PPME1: variants seen among roughly 807,000 people sequenced by gnomAD.
The protein encoded by PPME1 is protein phosphatase methylesterase 1.
A neutral mutation model predicts 56.9 loss-of-function variants in PPME1; 17 were observed. The ratio of observed to expected loss-of-function variants is 0.30; its 90% confidence interval spans 0.20 to 0.45. The LOEUF is 0.45. Ranked by LOEUF, PPME1 falls within the 20% of genes least tolerant of loss-of-function variation. The pLI, the probability that PPME1 is intolerant of heterozygous loss-of-function variation, is 1.00. For missense variants in PPME1, 357 were observed against 483.2 expected (o/e 0.74, Z 2.45); for synonymous variants, 122 against 156.2 (o/e 0.78, Z 1.63).
At chr11:74,244,293 G>A (rs986881189) in intron 9 of PPME1, among the ~76,000 whole-genome samples, 3 of 152,144 alleles carry the variant, frequency 2.0e-5, no homozygotes, top group African/African-American at 7.2e-5. Flanking sequence ...CCCAGAAGTG[G>A]GATTCCTGGA....
intron 11 of PPME1, 155 bp from the exon 12 acceptor site, chr11:74,250,799 T>C: frequency 1.6e-6 from 1 of 628,572 alleles, no homozygotes; most frequent in Non-Finnish European, 2.8e-6. Flanking sequence ...TTACTTGTAT[T>C]ACCATCCTCA....
intron 13 of PPME1, among the ~76,000 whole-genome samples, chr11:74,252,765 A>G (rs1037269998): frequency 6.6e-5 from 10 of 152,076 alleles, no homozygotes; most frequent in Non-Finnish European, 1.0e-4. Flanking sequence ...TTCCCCCTCT[A>G]TTGGTCTAGA....
chr11:74,176,766 A>ACCGAGG (rs1263851625), intron 1 of PPME1, among the ~76,000 whole-genome samples: 8 of 121,980 alleles, frequency 6.6e-5, no homozygotes, highest in Non-Finnish European at 1.3e-4. Context: ...TTGCTCTGTC[A>ACCGAGG]CCGAGGCCGG....
intron 3 of PPME1, among the ~76,000 whole-genome samples, chr11:74,217,561 A>G (rs1858685111): frequency 6.6e-6 from 1 of 151,490 alleles, no homozygotes; most frequent in Admixed American, 6.6e-5. Flanking sequence ...AAAAAAAAAA[A>G]AAGGAAAAAG....
At chr11:74,252,123 T>C (rs1230151907) in intron 13 of PPME1, among the ~76,000 whole-genome samples, 3 of 144,384 alleles carry the variant, frequency 2.1e-5, no homozygotes, top group Non-Finnish European at 3.0e-5. Context: ...TTTTTTTTTT[T>C]CTTGGCACAG....
intron 1 of PPME1, 42 bp downstream of exon 1, chr11:74,171,564 G>T: frequency 6.4e-7 from 1 of 1,558,640 alleles, no homozygotes; most frequent in Non-Finnish European, 8.7e-7. Context: ...CCAGGCCCCA[G>T]CCGTTGGAGA....
At chr11:74,211,878 C>CTA (rs2135634887) in intron 3 of PPME1, among the ~76,000 whole-genome samples, 1 of 152,220 alleles carries the variant, frequency 6.6e-6, no homozygotes, top group Non-Finnish European at 1.5e-5. Context: ...GACTACCTTA[C>CTA]TATTAATTAG....
intron 7 of PPME1, among the ~76,000 whole-genome samples, chr11:74,231,727 G>A (rs1180528416): frequency 6.6e-6 from 1 of 152,142 alleles, no homozygotes; most frequent in African/African-American, 2.4e-5. Flanking sequence ...ATGCTTCATG[G>A]TTTTAGATTT....
chr11:74,215,483 T>C (rs1008205014), intron 3 of PPME1, among the ~76,000 whole-genome samples: 6 of 152,186 alleles, frequency 3.9e-5, no homozygotes, highest in Admixed American at 2.6e-4. Context: ...TAATGGGTTA[T>C]GATACTATTT....
In PPME1 at chr11:74,171,344, T is replaced by C; in HGVS notation, c.-78T>C. On this transcript the variant is annotated 5_prime_UTR_variant, in exon 1 of 14. Transcript: ENST00000328257. ...GACAGGGCGTCGTTAGGGGAGCGAGTCGTGACCGGTTGGGCCACACTCAAC... is the reference window on the plus strand; with the variant it reads ...GACAGGGCGTCGTTAGGGGAGCGAGCCGTGACCGGTTGGGCCACACTCAAC... 6.5e-7 allele frequency: 1 copy of C among 1,527,890 alleles called. No homozygotes were observed. Among genetic ancestry groups the C allele is most frequent in the African/African-American group, 1.4e-5 (1 of 73,104 alleles). 94.6% of individuals were successfully genotyped at this position (1,527,890 alleles called of 1,614,324 possible). A position where few individuals can be genotyped will look rare whatever the true frequency, so the allele number is the denominator to read the frequency against.
At chr11:74,213,208 A>G (rs926648412) in intron 3 of PPME1, among the ~76,000 whole-genome samples, 6 of 152,226 alleles carry the variant, frequency 3.9e-5, no homozygotes, top group Admixed American at 3.3e-4. Context: ...AGTACTTGCC[A>G]TGGGCCTGGG....
intron 12 of PPME1, chr11:74,251,358 T>C: frequency 7.4e-7 from 1 of 1,354,596 alleles, no homozygotes; most frequent in South Asian, 2.0e-5. Flanking sequence ...CAGTTAGGAA[T>C]TAATATGGGC....
intron 1 of PPME1, among the ~76,000 whole-genome samples, chr11:74,177,869 T>C (rs1023704726): frequency 1.3e-5 from 2 of 152,244 alleles, no homozygotes; most frequent in Non-Finnish European, 2.9e-5. Flanking sequence ...ACCTAAGTTA[T>C]ATTCAATCTA....
intron 3 of PPME1, among the ~76,000 whole-genome samples, chr11:74,208,037 G>A (rs898939619): frequency 2.0e-5 from 3 of 152,118 alleles, no homozygotes; most frequent in East Asian, 1.9e-4. Flanking sequence ...TTCAGGGTCC[G>A]GCATGGTGGC....
At chr11:74,242,897 A>G (rs796215453) in intron 9 of PPME1, among the ~76,000 whole-genome samples, 2 of 150,934 alleles carry the variant, frequency 1.3e-5, no homozygotes, top group African/African-American at 4.9e-5. Context: ...AAAAAAAAAA[A>G]AAAAAACAGG....
At chr11:74,174,764 C>G (rs539784256) in intron 1 of PPME1, among the ~76,000 whole-genome samples, 1 of 152,208 alleles carries the variant, frequency 6.6e-6, no homozygotes, top group African/African-American at 2.4e-5. Flanking sequence ...GTAATGGTAA[C>G]TTTATGTTAT....
intron 1 of PPME1, 21 bp from the exon 2 acceptor site, chr11:74,203,705 GTC>G (rs756792188): frequency 7.6e-6 from 12 of 1,582,798 alleles, no homozygotes; most frequent in Non-Finnish European, 8.6e-6. Flanking sequence ...TTTCTGAAAT[GTC>G]TCTCTCTTTT....
At chr11:74,213,888 T>G (rs1181826246) in intron 3 of PPME1, among the ~76,000 whole-genome samples, 1 of 152,196 alleles carries the variant, frequency 6.6e-6, no homozygotes, top group Non-Finnish European at 1.5e-5. Context: ...AAGCCCAGAC[T>G]ACAAAGACTA....
chr11:74,183,230 G>C (rs1857587181), intron 1 of PPME1, among the ~76,000 whole-genome samples: 1 of 152,190 alleles, frequency 6.6e-6, no homozygotes, highest in Non-Finnish European at 1.5e-5. Context: ...CCAGGAGGTT[G>C]AGATTGCAGT....
Sources: gnomAD v4.1 joint callset for allele counts (sites outside exome capture counted in the v4.1 genomes callset) on GRCh38, gnomAD v4.1.1 for gene constraint, MANE v1.5 for transcripts, NCBI Gene and HGNC (gene_info 2026-07-23, HGNC 2026-07-21) for gene names.